Variants in SRGAP1 observed in about 807,000 individuals in gnomAD.
The protein encoded by SRGAP1 is SLIT-ROBO Rho GTPase activating protein 1.
SRGAP1 carries 43 observed loss-of-function variants against 121.9 expected under a neutral mutation model. The observed-to-expected ratio is 0.35, with a 90% CI of 0.28 to 0.46. The LOEUF is 0.46. Among genes scored for constraint, SRGAP1 ranks in the 20% least tolerant of loss-of-function variants. SRGAP1 has a pLI of 1.00. For missense variants in SRGAP1, 1,102 were observed against 1,350.9 expected (o/e 0.82, Z 2.89); for synonymous variants, 447 against 485.4 (o/e 0.92, Z 1.04).
rs537054717 is a variant in SRGAP1, at chr12:63,935,263, T to TCAA, written c.68-48684_68-48683insCAA. ...ATGGGCTTTATGCCTCGTGGAATTG[T>TCAA]GCCTTAATTTAAGAAAACTCTGTTG... On this transcript the variant is annotated intron_variant, in intron 1 of 21. Transcript: ENST00000355086. Among the ~76,000 whole-genome samples the TCAA allele has an allele frequency of 4.6e-5, 7 of 152,346 alleles. No homozygotes were observed. In the South Asian group the frequency reaches 1.5e-3, roughly 32 times the overall value.
intron 21 of SRGAP1, among the ~76,000 whole-genome samples, chr12:64,131,585 C>T (rs2036785558): frequency 6.6e-6 from 1 of 152,226 alleles, no homozygotes; most frequent in Admixed American, 6.5e-5. Flanking sequence ...CCCTAGTCTT[C>T]TCTTCCTCTG....
At chr12:63,970,846 C>A (rs2032926232) in intron 1 of SRGAP1, among the ~76,000 whole-genome samples, 1 of 152,176 alleles carries the variant, frequency 6.6e-6, no homozygotes, top group Non-Finnish European at 1.5e-5. Flanking sequence ...CTACAGCTAT[C>A]TTTTCTAAAT....
At chr12:64,005,416 G>T (rs2034050043) in intron 3 of SRGAP1, among the ~76,000 whole-genome samples, 1 of 152,114 alleles carries the variant, frequency 6.6e-6, no homozygotes, top group Admixed American at 6.5e-5. Flanking sequence ...GCCAAGGTGG[G>T]AGGATTGCTT....
intron 17 of SRGAP1, among the ~76,000 whole-genome samples, chr12:64,115,423 T>C (rs1176603655): frequency 1.3e-5 from 2 of 152,194 alleles, no homozygotes; most frequent in African/African-American, 4.8e-5. Context: ...TTTGTCCTTA[T>C]AGAGTCTTAT....
chr12:63,871,593 A>G (rs1899856451), intron 1 of SRGAP1: 4 of 497,970 alleles, frequency 8.0e-6, no homozygotes, highest in South Asian at 2.4e-5. Context: ...TTTGTAGGTT[A>G]TGGCTCATGC....
intron 11 of SRGAP1, among the ~76,000 whole-genome samples, chr12:64,087,870 C>T (rs766736269): frequency 5.3e-5 from 8 of 152,152 alleles, no homozygotes; most frequent in African/African-American, 1.4e-4. Flanking sequence ...ATTGTACTTT[C>T]TTCATTCAGG....
In SRGAP1 at chr12:64,132,930, G is replaced by C. The variant is rs532486734; in HGVS notation, c.2880+4730G>C. Among the ~76,000 whole-genome samples the C allele has an allele frequency of 1.4e-4, 21 of 152,346 alleles. 1 individual carries two copies. In the South Asian group the frequency reaches 3.5e-3, roughly 26 times the overall value. On this transcript the variant is annotated intron_variant, in intron 21 of 21. Coordinates refer to ENST00000355086, the MANE Select transcript of SRGAP1 (RefSeq NM_020762.4). The stretch of plus-strand genomic sequence containing the variant: ...CCTTATGGACAAGAATGGAGAAAAA[G>C]GCATTTTCCAAGTCAGTGGCTCCAA...
chr12:63,871,870 T>C, intron 1 of SRGAP1: 2 of 1,477,296 alleles, frequency 1.4e-6, no homozygotes, highest in Non-Finnish European at 9.5e-7. Context: ...ACAACCTTCT[T>C]TGTGGTCTTA....
Position 64,137,847 on chromosome 12 carries a change from G to A in SRGAP1, c.2881-4448G>A, listed in dbSNP as rs548630616. On this transcript the variant is annotated intron_variant, in intron 21 of 21. Transcript: ENST00000355086. Reference sequence around the variant, plus strand: ...CATGAGGGGTATGCTCCAGATGAGTGGGAGAAGCCCTGGGAATATGTCAGG... The same window carrying A: ...CATGAGGGGTATGCTCCAGATGAGTAGGAGAAGCCCTGGGAATATGTCAGG... Among the ~76,000 whole-genome samples the A allele has an allele frequency of 9.9e-5, 15 of 151,764 alleles. No individual in the cohort carries two copies. The South Asian group carries it at 2.9e-3, about 29-fold the overall frequency.
At chr12:63,996,755 A>AT (rs2033722279) in intron 3 of SRGAP1, among the ~76,000 whole-genome samples, 1 of 152,078 alleles carries the variant, frequency 6.6e-6, no homozygotes, top group Non-Finnish European at 1.5e-5. Context: ...GGGCAGCTTA[A>AT]TTATTGATAG....
At chr12:63,864,629 T>C (rs992404330) in intron 1 of SRGAP1, among the ~76,000 whole-genome samples, 2 of 152,190 alleles carry the variant, frequency 1.3e-5, no homozygotes, top group Non-Finnish European at 1.5e-5. Flanking sequence ...GTCTGTCACA[T>C]AGAATGCTCA....
At chr12:63,885,044 A>G (rs1900330732) in intron 1 of SRGAP1, among the ~76,000 whole-genome samples, 1 of 152,174 alleles carries the variant, frequency 6.6e-6, no homozygotes, top group African/African-American at 2.4e-5. Flanking sequence ...GATTTTAAAA[A>G]TCCACTAAAG....
intron 8 of SRGAP1, 68 bp from the exon 9 acceptor site, chr12:64,078,851 T>C (rs762724470): frequency 1.8e-4 from 272 of 1,507,030 alleles, no homozygotes; most frequent in Non-Finnish European, 2.3e-4. Context: ...CCTGACAGAG[T>C]GGACTCTCCC....
At chr12:63,858,771 C>A (rs1899341794) in intron 1 of SRGAP1, among the ~76,000 whole-genome samples, 1 of 152,186 alleles carries the variant, frequency 6.6e-6, no homozygotes. Context: ...ATGGCGCAAT[C>A]TGCTCACTAC....
intron 6 of SRGAP1, among the ~76,000 whole-genome samples, chr12:64,054,573 G>T (rs2035303214): frequency 6.6e-6 from 1 of 152,198 alleles, no homozygotes; most frequent in African/African-American, 2.4e-5. Context: ...CTATTAGGAA[G>T]ATTATGGAGA....
chr12:63,994,652 A>G (rs909273244), intron 3 of SRGAP1, among the ~76,000 whole-genome samples: 5 of 152,206 alleles, frequency 3.3e-5, no homozygotes, highest in African/African-American at 1.2e-4. Flanking sequence ...CAATGTAAAC[A>G]CAGATAGGAG....
At chr12:63,927,384 A>G (rs911726315) in intron 1 of SRGAP1, among the ~76,000 whole-genome samples, 1 of 152,132 alleles carries the variant, frequency 6.6e-6, no homozygotes, top group Non-Finnish European at 1.5e-5. Context: ...GTAAGTATCT[A>G]TTGGCTGATT....
At chr12:63,868,352 G>T (rs1360797801) in intron 1 of SRGAP1, among the ~76,000 whole-genome samples, 1 of 151,736 alleles carries the variant, frequency 6.6e-6, no homozygotes, top group East Asian at 1.9e-4. Context: ...CAAAGTGTTG[G>T]GCTTACAGGC....
intron 8 of SRGAP1, among the ~76,000 whole-genome samples, chr12:64,077,524 G>A (rs994505021): frequency 1.4e-4 from 21 of 149,452 alleles, no homozygotes; most frequent in Non-Finnish European, 3.0e-5. Flanking sequence ...TAAATCAGGA[G>A]GAGTAAATGA....
Sources: allele counts gnomAD v4.1 joint callset (sites outside exome capture counted in the v4.1 genomes callset), GRCh38; gene constraint gnomAD v4.1.1; transcripts MANE v1.5; gene names NCBI Gene and HGNC (gene_info 2026-07-23, HGNC 2026-07-21).